Variants in ITPRID1 observed in about 807,000 individuals in gnomAD.
ITPRID1 encodes the protein ITPR interacting domain containing 1, also known as protein ITPRID1.
In ITPRID1, 96 loss-of-function variants were observed where a neutral mutation model predicts 95.4. The ratio of observed to expected loss-of-function variants is 1.01; its 90% CI spans 0.85 to 1.19. ITPRID1 has a LOEUF of 1.19. Among genes scored for constraint, ITPRID1 ranks in the 50% most tolerant of loss-of-function variants. ITPRID1 has a pLI of 0.00. For missense variants in ITPRID1, 1,339 were observed against 1,252.9 expected, an observed-to-expected ratio of 1.07 and a Z score of -1.04; for synonymous variants, 510 against 453.6, an observed-to-expected ratio of 1.12 and a Z score of -1.58.
intron 5 of ITPRID1, among the ~76,000 whole-genome samples, chr7:31,565,756 A>G (rs1217607128): frequency 6.6e-6 from 1 of 152,010 alleles, no homozygotes; most frequent in Non-Finnish European, 1.5e-5. Context: ...AAAAAATAAA[A>G]AAGTACAGGA....
chr7:31,544,459 T>A (rs1784031267), intron 1 of ITPRID1, among the ~76,000 whole-genome samples: 1 of 152,282 alleles, frequency 6.6e-6, no homozygotes, highest in Non-Finnish European at 1.5e-5. Context: ...AAGGTTCACA[T>A]GTATTTCAGT....
chr7:31,552,366 T>TGC, intron 2 of ITPRID1, among the ~76,000 whole-genome samples: 2 of 102,460 alleles, frequency 2.0e-5, no homozygotes, highest in Non-Finnish European at 4.9e-5. Context: ...TACCATAAAA[T>TGC]TGTGACAATT....
At chr7:31,636,037 C>T (rs1317092781) in intron 10 of ITPRID1, among the ~76,000 whole-genome samples, 1 of 152,176 alleles carries the variant, frequency 6.6e-6, no homozygotes, top group Non-Finnish European at 1.5e-5. Flanking sequence ...CACTTTTTCA[C>T]AGGGCAGCAG....
At chr7:31,613,438 A>C (rs1020971610) in intron 10 of ITPRID1, among the ~76,000 whole-genome samples, 1 of 152,126 alleles carries the variant, frequency 6.6e-6, no homozygotes, top group Non-Finnish European at 1.5e-5. Context: ...CCTCAGAAGT[A>C]CTTCCCTCTC....
rs551247460 is a variant in ITPRID1, at chr7:31,655,363, C to T, written c.*2534C>T. 1.3e-5 allele frequency among the ~76,000 whole-genome samples: 2 copies of T among 152,298 alleles called. No homozygotes were observed. The highest frequency in any genetic ancestry group is 4.8e-5 in the African/African-American group (2 of 41,560). On this transcript the variant is annotated 3_prime_UTR_variant, in exon 15 of 15. Coordinates refer to ENST00000615280, the MANE Select transcript of ITPRID1 (RefSeq NM_001257967.3). Reference sequence around the variant, plus strand: ...GCCACAAAATACCTCCCAGAAGTTTCCTCAGAACGAATTACCTGGCGACAG... The same window carrying T: ...GCCACAAAATACCTCCCAGAAGTTTTCTCAGAACGAATTACCTGGCGACAG...
At chr7:31,641,739 G>A (rs959420859) in intron 10 of ITPRID1, among the ~76,000 whole-genome samples, 13 of 152,140 alleles carry the variant, frequency 8.5e-5, no homozygotes, top group Non-Finnish European at 1.6e-4. Flanking sequence ...GCTGAAGCTA[G>A]CAAAGGGTAC....
intron 5 of ITPRID1, among the ~76,000 whole-genome samples, chr7:31,561,527 G>A (rs539388378): frequency 6.6e-6 from 1 of 152,306 alleles, no homozygotes; most frequent in African/African-American, 2.4e-5. Context: ...ATGCCTTCCT[G>A]TGCCCCTTCT....
At chr7:31,647,083 C>T (rs1790533195) in intron 12 of ITPRID1, among the ~76,000 whole-genome samples, 1 of 152,206 alleles carries the variant, frequency 6.6e-6, no homozygotes, top group African/African-American at 2.4e-5. Flanking sequence ...CATATGCACA[C>T]AGGCGCATGT....
At chr7:31,628,654 C>T (rs552377258) in intron 10 of ITPRID1, among the ~76,000 whole-genome samples, 2 of 152,090 alleles carry the variant, frequency 1.3e-5, no homozygotes, top group East Asian at 3.9e-4. Context: ...GACAGGGTTT[C>T]ACCGTGTTAG....
chr7:31,537,779 C>G lies in ITPRID1; in HGVS notation c.-97-11647C>G, dbSNP rs1000129352. Reference sequence around the variant, plus strand: ...TTCACAAAATAAGAATGCAAGTCACCTGACCTACCATTCAGAAATAACCAT... The same window carrying G: ...TTCACAAAATAAGAATGCAAGTCACGTGACCTACCATTCAGAAATAACCAT... On this transcript the variant is annotated intron_variant, in intron 1 of 14. Transcript: ENST00000615280. Among the ~76,000 whole-genome samples, 15 of 152,178 alleles carry G rather than the reference C, an allele frequency of 9.9e-5. 1 individual carries two copies. Among genetic ancestry groups the G allele is most frequent in the Admixed American group, 4.6e-4 (7 of 15,292 alleles).
chr7:31,646,878 C>CA (rs577956117), intron 12 of ITPRID1, among the ~76,000 whole-genome samples: 16 of 151,874 alleles, frequency 1.1e-4, no homozygotes, highest in Non-Finnish European at 2.1e-4. Flanking sequence ...TGCAATTATA[C>CA]AAAAAAAGGT....
At position 31,652,892 on chromosome 7, in the gene ITPRID1, A is replaced by C; in HGVS notation, c.*63A>C. On this transcript the variant is annotated 3_prime_UTR_variant, in exon 15 of 15. Transcript: ENST00000615280. ...AGGCCCAGAACAGATGTAGCAAGGA[A>C]ATTTCAATTTTCCCCAAGGAGAAGG... is the stretch of plus-strand genomic sequence containing the variant. 1.2e-5 allele frequency: 18 copies of C among 1,553,788 alleles called. No individual in the cohort carries two copies. The South Asian group carries it at 1.7e-4, about 15-fold the overall frequency.
rs1343543212 is a variant in ITPRID1 at position 31,651,284 on chromosome 7, G to T, written c.2711+15G>T. 3 of 1,611,138 alleles carry T rather than the reference G, an allele frequency of 1.9e-6. No individual in the cohort carries two copies. The highest frequency in any genetic ancestry group is 1.1e-5 in the South Asian group (1 of 90,808). On this transcript the variant is annotated intron_variant, in intron 13 of 14. Coordinates refer to ENST00000615280, the MANE Select transcript of ITPRID1 (RefSeq NM_001257967.3). ...GAGGAGGAAAGGTAATTACCTAAGG[G>T]AGCCATAAAAGTAAGTACCAGCCCA...
At chr7:31,534,906 T>A (rs1186797320) in intron 1 of ITPRID1, among the ~76,000 whole-genome samples, 1 of 152,164 alleles carries the variant, frequency 6.6e-6, no homozygotes, top group Non-Finnish European at 1.5e-5. Flanking sequence ...CTTCGCTTTT[T>A]AAGATTTTTA....
chr7:31,543,271 T>G (rs531172787), intron 1 of ITPRID1, among the ~76,000 whole-genome samples: 1 of 152,250 alleles, frequency 6.6e-6, no homozygotes, highest in African/African-American at 2.4e-5. Flanking sequence ...GTGTCTTTTC[T>G]GTTTTCCCAA....
At chr7:31,559,376 C>T (rs1186362974) in intron 5 of ITPRID1, among the ~76,000 whole-genome samples, 1 of 152,112 alleles carries the variant, frequency 6.6e-6, no homozygotes, top group Non-Finnish European at 1.5e-5. Flanking sequence ...ACTCATATTC[C>T]ATGGCCAGAC....
chr7:31,577,903 T>G lies in ITPRID1; in HGVS notation c.639T>G (p.Asn213Lys), dbSNP rs1287767513. 8 of 1,611,940 alleles carry G rather than the reference T, an allele frequency of 5.0e-6. No individual in the cohort carries two copies. Reference protein sequence around the residue: ...RQLEILDHVTNAFSSLLSDVS... With the variant: ...RQLEILDHVTKAFSSLLSDVS... The stretch of plus-strand genomic sequence containing the variant: ...TGGAAATCCTGGACCATGTGACCAA[T>G]GCCTTCTCATCTCTGCTGAGTGATG... Residue 213 changes from asparagine to lysine, a missense_variant, in exon 9 of 15, where the codon AAT becomes AAG. By Grantham distance (94) the Asn-to-Lys change is moderately conservative. Transcript: ENST00000615280.
At chr7:31,563,766 A>C (rs1378821694) in intron 5 of ITPRID1, among the ~76,000 whole-genome samples, 1 of 152,124 alleles carries the variant, frequency 6.6e-6, no homozygotes, top group African/African-American at 2.4e-5. Context: ...AGGGGGCGGC[A>C]GTGGAATGGG....
intron 10 of ITPRID1, among the ~76,000 whole-genome samples, chr7:31,632,625 C>A (rs1233789664): frequency 6.6e-6 from 1 of 152,128 alleles, no homozygotes; most frequent in Non-Finnish European, 1.5e-5. Context: ...GGGAACACAA[C>A]TTCTGACTAA....
Sources: gnomAD v4.1 joint callset for allele counts (sites outside exome capture counted in the v4.1 genomes callset) on GRCh38, gnomAD v4.1.1 for gene constraint, MANE v1.5 for transcripts, NCBI Gene and HGNC (gene_info 2026-07-23, HGNC 2026-07-21) for gene names.